EPB41L4A: variants seen among roughly 807,000 people sequenced by gnomAD.
EPB41L4A encodes erythrocyte membrane protein band 4.1 like 4A, also known as band 4.1-like protein 4A.
In EPB41L4A, 100 loss-of-function variants were observed where a neutral mutation model predicts 108.6. The ratio of observed to expected loss-of-function variants is 0.92; its 90% CI spans 0.78 to 1.09. The LOEUF (loss-of-function observed/expected upper bound fraction) is 1.09. EPB41L4A is among the 50% of genes least tolerant of loss of function. The probability of loss-of-function intolerance (pLI) is 0.00; values close to 1 mark genes in which losing one functional copy is unlikely to be tolerated. For synonymous variants in EPB41L4A, 319 were observed against 289.0 expected, an observed-to-expected ratio of 1.10 and a Z score of -1.05; for missense variants, 1,030 against 842.7, an observed-to-expected ratio of 1.22 and a Z score of -2.75.
At chr5:112,259,774 T>C (rs1205345570) in intron 8 of EPB41L4A, 117 bp downstream of exon 8, 3 of 737,802 alleles carry the variant, frequency 4.1e-6, no homozygotes, top group African/African-American at 3.5e-5. Context: ...ATTTCACTCA[T>C]TTATTTATCA....
intron 18 of EPB41L4A, among the ~76,000 whole-genome samples, chr5:112,180,185 T>C (rs1351365452): frequency 6.6e-6 from 1 of 152,086 alleles, no homozygotes; most frequent in Non-Finnish European, 1.5e-5. Context: ...TAGTCAAAAG[T>C]CTTTGGGGGA....
At chr5:112,357,298 G>A (rs1451570572) in intron 1 of EPB41L4A, among the ~76,000 whole-genome samples, 1 of 152,246 alleles carries the variant, frequency 6.6e-6, no homozygotes, top group African/African-American at 2.4e-5. Context: ...GACCTGAGCT[G>A]CCCATAATAA....
chr5:112,288,974 G>C (rs1225628367), intron 2 of EPB41L4A, among the ~76,000 whole-genome samples: 3 of 152,028 alleles, frequency 2.0e-5, no homozygotes, highest in African/African-American at 7.3e-5. Context: ...GGGAGGCCTT[G>C]GGAGGGATAA....
rs1240904432 is a variant in EPB41L4A, at chr5:112,419,222, G to A, written c.-183C>T. The A allele has an allele frequency of 4.2e-6, 2 of 478,276 alleles. No homozygotes were observed. The highest frequency in any genetic ancestry group is 7.4e-6 in the Non-Finnish European group (2 of 269,966). 29.6% of individuals were successfully genotyped at this position (478,276 alleles called of 1,614,324 possible). ...CCGGCGGGGCGGGAGCGAGAAAGGC[G>A]GAAAAGCCCGGGAGAGTCAGCGCCC... On this transcript the variant is annotated 5_prime_UTR_variant, in exon 1 of 23. Transcript: ENST00000261486.
At chr5:112,279,064 CAAA>C (rs60463391) in intron 3 of EPB41L4A, among the ~76,000 whole-genome samples, 22 of 76,874 alleles carry the variant, frequency 2.9e-4, no homozygotes, top group African/African-American at 8.1e-4. Context: ...GATACCGTCT[CAAA>C]AAAAAAAAAA....
Position 112,240,788 on chromosome 5 carries a change from A to G in EPB41L4A, c.818T>C (p.Phe273Ser), listed in dbSNP as rs1392652329. 6.3e-7 allele frequency: 1 copy of G among 1,593,162 alleles called. No homozygotes were observed. Among genetic ancestry groups the G allele is most frequent in the Non-Finnish European group, 8.5e-7 (1 of 1,174,110 alleles). ...GKDCNETSFF[F>S]EARSKTACKH... ...GCAAGCAGTTTTACTCCGAGCTTCA[A>G]AAAAGAATGAGGTTTCGTTACACTA... Residue 273 changes from phenylalanine (F) to serine (S), a missense_variant, in exon 10 of 23, where the codon TTT becomes TCT. Phe to Ser is a radical substitution (Grantham distance 155, BLOSUM62 -2). Coordinates refer to ENST00000261486, the MANE Select transcript of EPB41L4A (RefSeq NM_022140.5).
chr5:112,335,793 A>C (rs1287338946), intron 1 of EPB41L4A, among the ~76,000 whole-genome samples: 3 of 152,088 alleles, frequency 2.0e-5, no homozygotes, highest in South Asian at 4.2e-4. Flanking sequence ...TATAATAAAA[A>C]CAAAAACCAA....
chr5:112,284,519 T>C (rs1045109898), intron 2 of EPB41L4A, among the ~76,000 whole-genome samples: 7 of 152,090 alleles, frequency 4.6e-5, no homozygotes, highest in Non-Finnish European at 1.0e-4. Flanking sequence ...ACTCAAACAC[T>C]TTCCCCTTCC....
At chr5:112,212,606 G>C (rs1358346474) in intron 12 of EPB41L4A, among the ~76,000 whole-genome samples, 1 of 151,988 alleles carries the variant, frequency 6.6e-6, no homozygotes, top group East Asian at 1.9e-4. Context: ...CCTAACATTA[G>C]TATTTTTAAT....
At chr5:112,339,511 G>GAT (rs1561585385) in intron 1 of EPB41L4A, among the ~76,000 whole-genome samples, 40 of 55,182 alleles carry the variant, frequency 7.2e-4, no homozygotes, top group African/African-American at 2.1e-3. Context: ...TATATATATA[G>GAT]ATATATAGAT....
chr5:112,309,025 T>C (rs1255289535), intron 1 of EPB41L4A, among the ~76,000 whole-genome samples: 1 of 152,222 alleles, frequency 6.6e-6, no homozygotes, highest in Admixed American at 6.5e-5. Flanking sequence ...AACCCAAAGT[T>C]TATGAGCAAA....
At chr5:112,204,641 A>T in intron 14 of EPB41L4A, 153 bp from the exon 15 acceptor site, 1 of 497,874 alleles carries the variant, frequency 2.0e-6, no homozygotes, top group Non-Finnish European at 3.6e-6. Context: ...GATTTATTAA[A>T]AGAAAAGAGG....
intron 3 of EPB41L4A, among the ~76,000 whole-genome samples, chr5:112,279,662 C>T (rs569491907): frequency 6.6e-6 from 1 of 152,148 alleles, no homozygotes; most frequent in South Asian, 2.1e-4. Flanking sequence ...CTTAAGGAGC[C>T]TCTGTTTGTG....
rs535866264 is a variant in EPB41L4A at position 112,265,036 on chromosome 5, T to C, written c.434-20A>G. On this transcript the variant is annotated intron_variant, in intron 5 of 22. Coordinates refer to ENST00000261486, the MANE Select transcript of EPB41L4A (RefSeq NM_022140.5). ...GCTCCGCTAAAAAAGAAAGATAACA[T>C]AGTTTTTTCCATTTTAGGAAAATAG... The C allele has an allele frequency of 1.3e-5, 20 of 1,544,072 alleles. No homozygotes were observed. In the Admixed American group the frequency reaches 2.4e-4, roughly 18 times the overall value.
chr5:112,331,793 G>C lies in EPB41L4A; in HGVS notation c.100-24303C>G, dbSNP rs531060649. ...GCCACCAGTCCCTTAACCAACATGA[G>C]TGACAGCAGCTGGAGGCTACCAACT... On this transcript the variant is annotated intron_variant, in intron 1 of 22. Coordinates refer to ENST00000261486, the MANE Select transcript of EPB41L4A (RefSeq NM_022140.5). Among the ~76,000 whole-genome samples, 4 of 152,338 alleles carry C rather than the reference G, an allele frequency of 2.6e-5. No individual in the cohort carries two copies. In the East Asian group the frequency reaches 5.8e-4, roughly 22 times the overall value.
intron 1 of EPB41L4A, among the ~76,000 whole-genome samples, chr5:112,326,610 C>T (rs913568333): frequency 9.9e-5 from 15 of 152,150 alleles, no homozygotes; most frequent in African/African-American, 3.4e-4. Context: ...TGTTCCAGTG[C>T]GCTGCTATTT....
chr5:112,280,392 T>C, intron 2 of EPB41L4A, 69 bp from the exon 3 acceptor site: 1 of 1,387,050 alleles, frequency 7.2e-7, no homozygotes, highest in African/African-American at 1.4e-5. Flanking sequence ...TCAAGAATAT[T>C]TGCAAAATGT....
At chr5:112,298,572 T>A (rs889224760) in intron 2 of EPB41L4A, among the ~76,000 whole-genome samples, 4 of 152,198 alleles carry the variant, frequency 2.6e-5, no homozygotes, top group African/African-American at 9.6e-5. Context: ...GTATATGCTG[T>A]TGGATTTGGT....
intron 9 of EPB41L4A, among the ~76,000 whole-genome samples, chr5:112,254,954 T>G (rs1384494216): frequency 6.6e-6 from 1 of 151,808 alleles, no homozygotes; most frequent in Non-Finnish European, 1.5e-5. Context: ...AAGACCCTGT[T>G]TCCACTGTAG....
Sources: gnomAD v4.1 joint callset for allele counts (sites outside exome capture counted in the v4.1 genomes callset) on GRCh38, gnomAD v4.1.1 for gene constraint, MANE v1.5 for transcripts, NCBI Gene and HGNC (gene_info 2026-07-23, HGNC 2026-07-21) for gene names.